Variants in ATL2 observed in about 807,000 individuals in gnomAD.
ATL2 encodes atlastin-2.
Under a neutral mutation model 73.9 loss-of-function variants are expected in ATL2, and 31 were observed. That is an observed-to-expected ratio of 0.42 (90% CI 0.32 to 0.57). The LOEUF (loss-of-function observed/expected upper bound fraction) is 0.57, where lower values mean the gene tolerates loss of function less well. Among genes scored for constraint, ATL2 ranks in the 20% least tolerant of loss-of-function variants. The pLI, the probability that ATL2 is intolerant of heterozygous loss-of-function variation, is 0.14. For synonymous variants in ATL2, 291 were observed against 237.5 expected (o/e 1.23, Z -2.07); for missense variants, 738 against 702.6 (o/e 1.05, Z -0.57).
intron 4 of ATL2, 142 bp from the exon 5 acceptor site, chr2:38,315,476 T>C: frequency 2.4e-6 from 2 of 820,726 alleles, no homozygotes. Flanking sequence ...ACAACTGACA[T>C]GTGAAAAGGA....
At chr2:38,346,823 CA>C (rs1044017063) in intron 1 of ATL2, among the ~76,000 whole-genome samples, 47 of 152,316 alleles carry the variant, frequency 3.1e-4, no homozygotes, top group African/African-American at 9.1e-4. Flanking sequence ...TTGGGAACCC[CA>C]GGTTTAAACT....
At chr2:38,376,206 G>C (rs200140234) in intron 1 of ATL2, 89 of 1,510,922 alleles carry the variant, frequency 5.9e-5, no homozygotes, top group Middle Eastern at 3.5e-4. Context: ...GATTTCATGC[G>C]ATCAATTCGC....
chr2:38,361,353 CAAAAAA>C (rs921670483), intron 1 of ATL2, among the ~76,000 whole-genome samples: 1 of 59,790 alleles, frequency 1.7e-5, no homozygotes, highest in African/African-American at 4.6e-5. Context: ...GACTCCGTCT[CAAAAAA>C]AAAAAAAAAA....
chr2:38,321,962 G>A (rs1412804970), intron 2 of ATL2, among the ~76,000 whole-genome samples: 1 of 152,054 alleles, frequency 6.6e-6, no homozygotes, highest in Admixed American at 6.6e-5. Context: ...CTTCTTGTCT[G>A]TGCTCCTGAT....
rs1044367549 is a variant in ATL2 at position 38,294,292 on chromosome 2, T to C, written c.*1702A>G. Among the ~76,000 whole-genome samples, 20 of 152,110 alleles carry C rather than the reference T, an allele frequency of 1.3e-4. No homozygotes were observed. Among genetic ancestry groups the C allele is most frequent in the African/African-American group, 4.8e-4 (20 of 41,342 alleles). On this transcript the variant is annotated 3_prime_UTR_variant, in exon 13 of 13. Transcript: ENST00000378954. Reference sequence around the variant, plus strand: ...GGCCGGGCGCGGTGGCTCACGCCTGTAATCCCAACACTTTGGGAGGCCAAG... The same window carrying C: ...GGCCGGGCGCGGTGGCTCACGCCTGCAATCCCAACACTTTGGGAGGCCAAG...
At chr2:38,378,535 C>T (rs1413060544), upstream of ATL2, among the ~76,000 whole-genome samples, 2 of 152,242 alleles carry the variant, frequency 1.3e-5, no homozygotes, top group Non-Finnish European at 2.9e-5. Context: ...CTGCGCCCGG[C>T]CCATCCAAAT....
intron 1 of ATL2, among the ~76,000 whole-genome samples, chr2:38,356,508 T>A (rs1670678599): frequency 6.6e-6 from 1 of 152,166 alleles, no homozygotes; most frequent in Admixed American, 6.5e-5. Context: ...TTACTTTACA[T>A]ACAGTCTTCT....
intron 2 of ATL2, among the ~76,000 whole-genome samples, chr2:38,325,523 A>T (rs1668548187): frequency 6.6e-6 from 1 of 152,030 alleles, no homozygotes; most frequent in African/African-American, 2.4e-5. Context: ...TTCTCAAAGT[A>T]ATTACGGAAG....
At chr2:38,348,381 G>T (rs1043581477) in intron 1 of ATL2, among the ~76,000 whole-genome samples, 2 of 151,740 alleles carry the variant, frequency 1.3e-5, no homozygotes, top group Non-Finnish European at 2.9e-5. Flanking sequence ...GAGGAGAATT[G>T]CTTGAACCCA....
chr2:38,307,209 T>A (rs536509464), intron 9 of ATL2, among the ~76,000 whole-genome samples: 18 of 152,104 alleles, frequency 1.2e-4, no homozygotes, highest in African/African-American at 4.3e-4. Context: ...AATACAAAAA[T>A]CAGCTAGGCA....
Position 38,298,305 on chromosome 2 carries a change from G to A in ATL2, c.1471C>T (p.Leu491=). 1.9e-6 allele frequency: 3 copies of A among 1,614,178 alleles called. No homozygotes were observed. The highest frequency in any genetic ancestry group is 2.2e-5 in the East Asian group (1 of 44,888). ...VMFAMYIISG[L]TGFIGLNSIA... is the part of the protein sequence containing the mutation. ...GAGTTTAGGCCAATGAAGCCAGTCA[G>A]TCCTGAGATTATATACATAGCAAAC... The change falls in exon 12 of 13, where the codon CTG becomes TTG. Residue 491 remains leucine (L), a synonymous_variant. Transcript: ENST00000378954.
Position 38,330,805 on chromosome 2 carries a change from T to A in ATL2, c.364-11786A>T, listed in dbSNP as rs368568205. On this transcript the variant is annotated intron_variant, in intron 2 of 12. Coordinates refer to ENST00000378954, the MANE Select transcript of ATL2 (RefSeq NM_001135673.4). Reference sequence around the variant, plus strand: ...TGTTAACACAGTAGTATTTCCCAAATTGATCTTTCAGATTCAACCAATCAC... The same window carrying A: ...TGTTAACACAGTAGTATTTCCCAAAATGATCTTTCAGATTCAACCAATCAC... 8.5e-5 allele frequency among the ~76,000 whole-genome samples: 13 copies of A among 152,360 alleles called. No individual in the cohort carries two copies. In the East Asian group the frequency reaches 1.7e-3, roughly 20 times the overall value.
chr2:38,297,327 C>T (rs1405463854), intron 12 of ATL2, among the ~76,000 whole-genome samples: 2 of 152,154 alleles, frequency 1.3e-5, no homozygotes, highest in Non-Finnish European at 2.9e-5. Context: ...CCAAAAATGG[C>T]ATCTCAAATG....
intron 1 of ATL2, among the ~76,000 whole-genome samples, chr2:38,373,217 A>T (rs1440626409): frequency 6.6e-6 from 1 of 152,202 alleles, no homozygotes; most frequent in Non-Finnish European, 1.5e-5. Flanking sequence ...TGATTAAAGA[A>T]GCATTGCCGC....
At chr2:38,367,792 C>A (rs1035193636) in intron 1 of ATL2, among the ~76,000 whole-genome samples, 2 of 151,114 alleles carry the variant, frequency 1.3e-5, no homozygotes, top group African/African-American at 4.9e-5. Context: ...GCCACCATGC[C>A]CAGCTAATTT....
rs117407517 is a variant in ATL2, at chr2:38,341,343, T to C, written c.363+1925A>G. 5.4e-4 allele frequency among the ~76,000 whole-genome samples: 82 copies of C among 152,240 alleles called. No homozygotes were observed. In the East Asian group the frequency reaches 6.6e-3, roughly 12 times the overall value. ...TGTAAAATTCTAGATCAAGTCTAAA[T>C]AGGAAAACTTTAGCTGAGCATGGTG... On this transcript the variant is annotated intron_variant, in intron 2 of 12. Transcript: ENST00000378954.
In ATL2 at chr2:38,309,446, T is replaced by C. The variant is rs1242489896; in HGVS notation, c.1004A>G (p.Glu335Gly). Reference protein sequence around the residue: ...RNLVPLLLAPENLVEKEISGS... With the variant: ...RNLVPLLLAPGNLVEKEISGS... The stretch of plus-strand genomic sequence containing the variant: ...ACTTATCTCTTTTTCTACCAAATTT[T>C]CAGGGGCAAGCAGCAATGGAACCAG... Residue 335 changes from glutamate to glycine, a missense_variant, in exon 9 of 13, where the codon GAA (glutamate) becomes GGA (glycine). Coordinates refer to ENST00000378954, the MANE Select transcript of ATL2 (RefSeq NM_001135673.4). The C allele has an allele frequency of 3.1e-6, 5 of 1,612,788 alleles. No individual in the cohort carries two copies. In the South Asian group the frequency reaches 4.4e-5, roughly 14 times the overall value.
At chr2:38,312,541 T>C (rs371572874) in intron 7 of ATL2, among the ~76,000 whole-genome samples, 67 of 152,100 alleles carry the variant, frequency 4.4e-4, no homozygotes, top group Middle Eastern at 3.4e-3. Flanking sequence ...AAACCCCGTC[T>C]CTGCTAAAAA....
intron 2 of ATL2, among the ~76,000 whole-genome samples, chr2:38,342,274 C>A (rs937323521): frequency 6.6e-6 from 1 of 152,032 alleles, no homozygotes; most frequent in Non-Finnish European, 1.5e-5. Flanking sequence ...GTGCCAGGTG[C>A]TTGATAATCA....
Sources: allele counts gnomAD v4.1 joint callset (sites outside exome capture counted in the v4.1 genomes callset), GRCh38; gene constraint gnomAD v4.1.1; transcripts MANE v1.5; gene names NCBI Gene and HGNC (gene_info 2026-07-23, HGNC 2026-07-21).